Variants in RABGAP1L observed in about 807,000 individuals in gnomAD.
The protein encoded by RABGAP1L is rab GTPase-activating protein 1-like.
In RABGAP1L, 63 loss-of-function variants were observed where a neutral mutation model predicts 137.7. That is an observed-to-expected ratio of 0.46 (90% CI 0.37 to 0.56). The LOEUF (loss-of-function observed/expected upper bound fraction) is 0.56, where lower values mean the gene tolerates loss of function less well. Among genes scored for constraint, RABGAP1L ranks in the 20% least tolerant of loss-of-function variants. The pLI is 0.00. For missense variants in RABGAP1L, 1,095 were observed against 1,244.0 expected (o/e 0.88, Z 1.80); for synonymous variants, 431 against 433.7 (o/e 0.99, Z 0.08).
intron 13 of RABGAP1L, among the ~76,000 whole-genome samples, chr1:174,556,075 G>A (rs1666864747): frequency 6.9e-6 from 1 of 145,728 alleles, no homozygotes; most frequent in East Asian, 2.0e-4. Context: ...TTGGCTCACT[G>A]CAACCTTCAC....
intron 17 of RABGAP1L, among the ~76,000 whole-genome samples, chr1:174,733,503 G>A (rs1022646645): frequency 2.6e-5 from 4 of 152,214 alleles, no homozygotes; most frequent in Admixed American, 1.3e-4. Flanking sequence ...TGCTTTGTAA[G>A]CATCTACTGC....
intron 10 of RABGAP1L, among the ~76,000 whole-genome samples, chr1:174,297,770 G>A (rs1388288102): frequency 1.3e-5 from 2 of 152,144 alleles, no homozygotes; most frequent in East Asian, 3.9e-4. Flanking sequence ...TAGACAAACC[G>A]GGTTATTAGA....
chr1:174,817,741 G>A (rs1422952735), intron 19 of RABGAP1L, among the ~76,000 whole-genome samples: 2 of 152,212 alleles, frequency 1.3e-5, no homozygotes, highest in Non-Finnish European at 2.9e-5. Flanking sequence ...TTAAGATTCG[G>A]TATTGGTGAC....
intron 13 of RABGAP1L, among the ~76,000 whole-genome samples, chr1:174,636,254 C>T (rs1674019275): frequency 1.3e-5 from 2 of 152,168 alleles, no homozygotes; most frequent in Admixed American, 6.5e-5. Context: ...TATCATCCTT[C>T]ACACCTGTAA....
intron 13 of RABGAP1L, among the ~76,000 whole-genome samples, chr1:174,404,552 G>A (rs1014218667): frequency 6.6e-6 from 1 of 152,072 alleles, no homozygotes; most frequent in Non-Finnish European, 1.5e-5. Context: ...CAAAATGATA[G>A]CACAAAAGAA....
At chr1:174,970,225 G>C (rs1174095631) in intron 21 of RABGAP1L, among the ~76,000 whole-genome samples, 1 of 152,134 alleles carries the variant, frequency 6.6e-6, no homozygotes, top group East Asian at 1.9e-4. Flanking sequence ...GAAGGTAGCC[G>C]GATCTCCATT....
At chr1:174,465,622 A>G (rs951060102) in intron 13 of RABGAP1L, among the ~76,000 whole-genome samples, 2 of 152,156 alleles carry the variant, frequency 1.3e-5, no homozygotes, top group African/African-American at 4.8e-5. Flanking sequence ...CTATATTAAG[A>G]TGCCAGCAAG....
intron 14 of RABGAP1L, among the ~76,000 whole-genome samples, chr1:174,648,405 C>G (rs528513421): frequency 6.6e-6 from 1 of 152,070 alleles, no homozygotes; most frequent in Non-Finnish European, 1.5e-5. Context: ...TACATTGTGT[C>G]TTTGTTCTCA....
intron 17 of RABGAP1L, among the ~76,000 whole-genome samples, chr1:174,717,714 C>T (rs951676180): frequency 6.6e-6 from 1 of 152,134 alleles, no homozygotes; most frequent in Non-Finnish European, 1.5e-5. Flanking sequence ...TTAGACCTTA[C>T]ATTTTTTTCC....
intron 5 of RABGAP1L, among the ~76,000 whole-genome samples, chr1:174,241,955 C>G (rs973845656): frequency 3.3e-5 from 5 of 152,158 alleles, no homozygotes; most frequent in African/African-American, 1.2e-4. Flanking sequence ...ATTTTTGCAG[C>G]TCTCTTATTA....
intron 13 of RABGAP1L, among the ~76,000 whole-genome samples, chr1:174,442,106 G>A (rs947890640): frequency 1.3e-5 from 2 of 151,958 alleles, no homozygotes; most frequent in Admixed American, 6.6e-5. Context: ...CTTCAAATAT[G>A]TGTAATGGCT....
chr1:174,330,354 A>C (rs1680926214), intron 11 of RABGAP1L, among the ~76,000 whole-genome samples: 1 of 152,176 alleles, frequency 6.6e-6, no homozygotes, highest in African/African-American at 2.4e-5. Flanking sequence ...CTGAGGCAGG[A>C]GGATCTCTTG....
intron 13 of RABGAP1L, chr1:174,545,833 A>G (rs556936165): frequency 6.6e-6 from 1 of 152,352 alleles, no homozygotes; most frequent in South Asian, 2.1e-4. Context: ...ACTGAATGAC[A>G]TAGTACATTT....
At chr1:174,197,731 C>A (rs189532808) in intron 1 of RABGAP1L, among the ~76,000 whole-genome samples, 1 of 151,680 alleles carries the variant, frequency 6.6e-6, no homozygotes, top group South Asian at 2.1e-4. Flanking sequence ...ACTCAAGAGG[C>A]GGAGGTTGCA....
intron 18 of RABGAP1L, among the ~76,000 whole-genome samples, chr1:174,754,842 T>C (rs1223711482): frequency 3.3e-5 from 5 of 152,328 alleles, no homozygotes; most frequent in East Asian, 1.9e-4. Flanking sequence ...ATTTTCAGTA[T>C]AGCTACAGAG....
intron 13 of RABGAP1L, among the ~76,000 whole-genome samples, chr1:174,434,138 CACACACACACACA>C (rs1198394795): frequency 3.9e-5 from 6 of 151,914 alleles, no homozygotes; most frequent in Non-Finnish European, 8.8e-5. Flanking sequence ...CACACACACA[CACACACACACACA>C]CCCTGCCTGG....
chr1:174,399,562 G>A (rs941827351), intron 13 of RABGAP1L, among the ~76,000 whole-genome samples: 1 of 152,102 alleles, frequency 6.6e-6, no homozygotes, highest in Non-Finnish European at 1.5e-5. Context: ...ATTACACAGG[G>A]AAGAAGGAAT....
intron 11 of RABGAP1L, among the ~76,000 whole-genome samples, chr1:174,313,400 C>T (rs1473639683): frequency 6.6e-6 from 1 of 152,104 alleles, no homozygotes; most frequent in East Asian, 1.9e-4. Context: ...AAGATTATGT[C>T]ATCTGCAAAA....
Position 174,332,221 on chromosome 1 carries a change from G to A in RABGAP1L, c.1465+27094G>A, listed in dbSNP as rs545267639. On this transcript the variant is annotated intron_variant, in intron 11 of 25. Transcript: ENST00000681986. The stretch of plus-strand genomic sequence containing the variant: ...CTATAATTGTACAGTTGGGTATTTT[G>A]GCAAGTCCCAAATGTGTAATTCAGG... Among the ~76,000 whole-genome samples, 3 of 152,118 alleles carry A rather than the reference G, an allele frequency of 2.0e-5. 1 individual carries two copies. The highest frequency in any genetic ancestry group is 7.2e-5 in the African/African-American group (3 of 41,492).
Sources: allele counts gnomAD v4.1 joint callset (sites outside exome capture counted in the v4.1 genomes callset), GRCh38; gene constraint gnomAD v4.1.1; transcripts MANE v1.5; gene names NCBI Gene and HGNC (gene_info 2026-07-23, HGNC 2026-07-21).